Variants in EYS observed in about 807,000 individuals in gnomAD.
EYS encodes the protein protein eyes shut homolog.
EYS carries 250 observed loss-of-function variants against 282.1 expected under a neutral mutation model. That is an observed-to-expected ratio of 0.89 (90% CI 0.80 to 0.98). The LOEUF is 0.98. Ranked by LOEUF, EYS falls within the 50% of genes least tolerant of loss-of-function variation. EYS has a pLI of 0.00. For synonymous variants in EYS, 1,355 were observed against 1,282.9 expected, an observed-to-expected ratio of 1.06 and a Z score of -1.20; for missense variants, 4,016 against 3,709.0, an observed-to-expected ratio of 1.08 and a Z score of -2.15.
At chr6:63,822,709 A>G (rs568469228) in intron 36 of EYS, 2 of 152,318 alleles carry the variant, frequency 1.3e-5, no homozygotes, top group African/African-American at 4.8e-5. Flanking sequence ...ATAGATTTGT[A>G]TCTTCTTTTC....
chr6:64,464,281 G>A (rs1019767905), intron 26 of EYS, among the ~76,000 whole-genome samples: 5 of 152,086 alleles, frequency 3.3e-5, no homozygotes, highest in African/African-American at 7.2e-5. Flanking sequence ...AGCAAATTAC[G>A]TATAGAAGGA....
chr6:65,271,749 A>AT (rs1318763506), intron 12 of EYS, among the ~76,000 whole-genome samples: 1 of 151,638 alleles, frequency 6.6e-6, no homozygotes, highest in Non-Finnish European at 1.5e-5. Context: ...CATCCAGCTA[A>AT]TTTTTTGTAT....
At chr6:63,721,928 G>T in intron 42 of EYS, 131 bp from the exon 43 acceptor site, 1 of 805,274 alleles carries the variant, frequency 1.2e-6, no homozygotes, top group Non-Finnish European at 1.9e-6. Context: ...GCACAATTGT[G>T]TTAGTTTTGT....
intron 33 of EYS, among the ~76,000 whole-genome samples, chr6:64,062,492 G>A (rs986089497): frequency 1.3e-5 from 2 of 152,070 alleles, no homozygotes; most frequent in Non-Finnish European, 2.9e-5. Flanking sequence ...AGGAGATCAA[G>A]ACCAACCTGG....
At chr6:64,741,982 T>G (rs1772389261) in intron 22 of EYS, among the ~76,000 whole-genome samples, 1 of 151,636 alleles carries the variant, frequency 6.6e-6, no homozygotes, top group South Asian at 2.1e-4. Flanking sequence ...CTTCAAATAT[T>G]TTTTTTTATT....
chr6:65,544,291 G>GTCATTT (rs1768301932), intron 2 of EYS, among the ~76,000 whole-genome samples: 1 of 152,112 alleles, frequency 6.6e-6, no homozygotes, highest in Non-Finnish European at 1.5e-5. Flanking sequence ...CTATTTTGCA[G>GTCATTT]AATGTCATTT....
At chr6:64,017,108 G>A (rs1768930705) in intron 33 of EYS, among the ~76,000 whole-genome samples, 2 of 151,856 alleles carry the variant, frequency 1.3e-5, no homozygotes, top group South Asian at 4.1e-4. Flanking sequence ...TTATATGAGT[G>A]CAAAGGCAAG....
At chr6:64,682,194 C>A (rs1769924971) in intron 22 of EYS, among the ~76,000 whole-genome samples, 1 of 152,110 alleles carries the variant, frequency 6.6e-6, no homozygotes, top group Non-Finnish European at 1.5e-5. Flanking sequence ...GAAATCCTGT[C>A]TCTACTAAAA....
chr6:63,781,395 T>C (rs1267841125), intron 39 of EYS, among the ~76,000 whole-genome samples: 2 of 152,320 alleles, frequency 1.3e-5, no homozygotes, highest in East Asian at 3.9e-4. Context: ...GGAATGTTCT[T>C]CCATTTGTTT....
chr6:65,091,336 G>C (rs1259941284), intron 12 of EYS, among the ~76,000 whole-genome samples: 2 of 148,758 alleles, frequency 1.3e-5, no homozygotes, highest in African/African-American at 2.5e-5. Flanking sequence ...TGTAATCCCA[G>C]CTACTCAGGA....
chr6:64,279,451 T>C (rs1044339180), intron 30 of EYS, among the ~76,000 whole-genome samples: 2 of 152,318 alleles, frequency 1.3e-5, no homozygotes, highest in African/African-American at 4.8e-5. Flanking sequence ...TCCTGTTTAC[T>C]GTAGCTACTT....
intron 22 of EYS, among the ~76,000 whole-genome samples, chr6:64,787,686 T>C (rs1774066198): frequency 6.7e-6 from 1 of 149,744 alleles, no homozygotes; most frequent in Non-Finnish European, 1.5e-5. Context: ...ACTAATAATA[T>C]GTCTATATAT....
At chr6:65,399,139 CTATT>C (rs1159554864) in intron 7 of EYS, among the ~76,000 whole-genome samples, 1 of 152,034 alleles carries the variant, frequency 6.6e-6, no homozygotes, top group Non-Finnish European at 1.5e-5. Context: ...CACCTACACT[CTATT>C]TAATAAAATT....
intron 39 of EYS, among the ~76,000 whole-genome samples, chr6:63,779,886 A>T (rs188832893): frequency 4.6e-5 from 7 of 152,010 alleles, no homozygotes; most frequent in African/African-American, 1.7e-4. Context: ...TCCTGATGCT[A>T]TCCCTCCGCA....
At chr6:64,725,303 A>C (rs1453518231) in intron 22 of EYS, among the ~76,000 whole-genome samples, 1 of 152,126 alleles carries the variant, frequency 6.6e-6, no homozygotes, top group African/African-American at 2.4e-5. Flanking sequence ...CATTTGATTC[A>C]TTCATTCATT....
intron 12 of EYS, among the ~76,000 whole-genome samples, chr6:65,205,216 T>C (rs1401456818): frequency 2.0e-5 from 3 of 150,936 alleles, no homozygotes; most frequent in African/African-American, 4.8e-5. Context: ...GTAAAAGATA[T>C]AGCACACAAA....
chr6:63,959,183 C>T (rs921004713), intron 35 of EYS, among the ~76,000 whole-genome samples: 5 of 151,878 alleles, frequency 3.3e-5, no homozygotes, highest in African/African-American at 7.3e-5. Flanking sequence ...ATAAAACAAC[C>T]CCATCAAAAA....
intron 29 of EYS, among the ~76,000 whole-genome samples, chr6:64,323,253 G>A (rs1770285586): frequency 6.6e-6 from 1 of 151,968 alleles, no homozygotes; most frequent in Admixed American, 6.6e-5. Context: ...TATCCTCATA[G>A]ATTTACCTAT....
At chr6:64,974,173 C>T (rs1381215509) in intron 14 of EYS, among the ~76,000 whole-genome samples, 1 of 151,672 alleles carries the variant, frequency 6.6e-6, no homozygotes, top group Admixed American at 6.6e-5. Flanking sequence ...GACATCTATT[C>T]AAAAATCGTA....
Sources: allele counts gnomAD v4.1 joint callset (sites outside exome capture counted in the v4.1 genomes callset), GRCh38; gene constraint gnomAD v4.1.1; transcripts MANE v1.5; gene names NCBI Gene and HGNC (gene_info 2026-07-23, HGNC 2026-07-21).